The following IQCB1 variants were observed in gnomAD, a reference collection of about 807,000 sequenced individuals.
IQCB1 encodes the protein IQ calmodulin-binding motif-containing protein 1.
IQCB1 carries 56 observed loss-of-function variants against 84.4 expected under a neutral mutation model. The observed-to-expected ratio is 0.66, with a 90% CI of 0.54 to 0.83. The LOEUF is 0.83. Among genes scored for constraint, IQCB1 ranks in the 40% least tolerant of loss-of-function variants. The pLI is 0.00. For missense variants in IQCB1, 629 were observed against 682.1 expected (o/e 0.92, Z 0.87); for synonymous variants, 210 against 234.8 (o/e 0.89, Z 0.96).
At chr3:121,819,863 T>C (rs1367496835) in intron 5 of IQCB1, among the ~76,000 whole-genome samples, 2 of 152,142 alleles carry the variant, frequency 1.3e-5, no homozygotes, top group African/African-American at 4.8e-5. Context: ...ATATATTTTA[T>C]ATTAGCATTT....
chr3:121,803,185 G>T (rs1949476000), intron 7 of IQCB1, among the ~76,000 whole-genome samples: 1 of 152,076 alleles, frequency 6.6e-6, no homozygotes, highest in Admixed American at 6.6e-5. Flanking sequence ...ATCCCAAGTA[G>T]CTGGGACTAG....
At chr3:121,822,719 G>A (rs528499033) in intron 5 of IQCB1, among the ~76,000 whole-genome samples, 1 of 152,188 alleles carries the variant, frequency 6.6e-6, no homozygotes, top group Non-Finnish European at 1.5e-5. Context: ...TATAAGGACT[G>A]TGAACCAGGA....
intron 2 of IQCB1, among the ~76,000 whole-genome samples, chr3:121,830,205 AAATAAT>A (rs150016803): frequency 1.3e-5 from 2 of 148,514 alleles, no homozygotes; most frequent in East Asian, 2.0e-4. Flanking sequence ...CTCTGTCTCA[AAATAAT>A]AATAATAATA....
At chr3:121,793,838 T>C (rs1306199127) in intron 10 of IQCB1, among the ~76,000 whole-genome samples, 2 of 152,176 alleles carry the variant, frequency 1.3e-5, no homozygotes, top group Non-Finnish European at 2.9e-5. Context: ...AAATCTGTAA[T>C]CCTGGGCTAC....
intron 7 of IQCB1, among the ~76,000 whole-genome samples, chr3:121,804,851 A>G (rs555998042): frequency 1.3e-5 from 2 of 152,252 alleles, no homozygotes; most frequent in Admixed American, 6.5e-5. Context: ...CACTTATGTA[A>G]GGTTGCTCAA....
intron 7 of IQCB1, among the ~76,000 whole-genome samples, chr3:121,801,204 C>T (rs1949393176): frequency 6.6e-6 from 1 of 151,946 alleles, no homozygotes; most frequent in African/African-American, 2.4e-5. Flanking sequence ...TTTTCTCTAC[C>T]ATGTATAAGC....
chr3:121,777,097 A>AC (rs763361957), intron 13 of IQCB1, among the ~76,000 whole-genome samples: 8 of 152,242 alleles, frequency 5.3e-5, no homozygotes, highest in Admixed American at 4.6e-4. Context: ...TAGAAGTTTT[A>AC]TAGTTTTAGG....
chr3:121,819,122 T>C (rs143706562), intron 5 of IQCB1, among the ~76,000 whole-genome samples: 66 of 152,342 alleles, frequency 4.3e-4, no homozygotes, highest in Non-Finnish European at 6.9e-4. Context: ...GTGTGCTTTA[T>C]TTATATTATT....
intron 5 of IQCB1, 61 bp from the exon 6 acceptor site, chr3:121,809,070 T>A: frequency 1.4e-5 from 13 of 901,266 alleles, no homozygotes; most frequent in East Asian, 2.6e-5. Flanking sequence ...TTTTTTTTTT[T>A]AAGGAGACTT....
intron 5 of IQCB1, among the ~76,000 whole-genome samples, chr3:121,824,542 G>C (rs892919861): frequency 2.7e-5 from 4 of 150,454 alleles, no homozygotes; most frequent in African/African-American, 9.8e-5. Flanking sequence ...AGTAAACAAA[G>C]TAGACTTCAA....
In IQCB1 at chr3:121,781,787, C is replaced by T. The variant is rs760905369; in HGVS notation, c.1366G>A (p.Val456Ile). 3 of 1,613,884 alleles carry T rather than the reference C, an allele frequency of 1.9e-6. No homozygotes were observed. The highest frequency in any genetic ancestry group is 2.5e-6 in the Non-Finnish European group (3 of 1,179,860). ...TCATCCACTCGTTTCTTCAGTTCAA[C>T]TCGGCGTGCATCAGTGAGTTCTTGG... ...GLQELTDARR[V>I]ELKKRVDDYV... Residue 456 changes from valine (V) to isoleucine (I), a missense_variant, in exon 13 of 15, where the codon GTT becomes ATT. Coordinates refer to ENST00000310864, the MANE Select transcript of IQCB1 (RefSeq NM_001023570.4).
intron 7 of IQCB1, among the ~76,000 whole-genome samples, chr3:121,801,486 T>G (rs1576578946): frequency 6.6e-6 from 1 of 152,188 alleles, no homozygotes; most frequent in East Asian, 1.9e-4. Context: ...TACAGAAAAC[T>G]TGGTATCATA....
At chr3:121,821,015 G>C (rs1950256246) in intron 5 of IQCB1, among the ~76,000 whole-genome samples, 1 of 151,046 alleles carries the variant, frequency 6.6e-6, no homozygotes, top group African/African-American at 2.4e-5. Flanking sequence ...TAAAGAGATA[G>C]GATCTTGCTC....
At chr3:121,810,603 T>C (rs1308073426) in intron 5 of IQCB1, among the ~76,000 whole-genome samples, 1 of 151,702 alleles carries the variant, frequency 6.6e-6, no homozygotes, top group African/African-American at 2.4e-5. Flanking sequence ...ATTTTAATAA[T>C]ATATAAGGAA....
In IQCB1 at chr3:121,788,702, T is replaced by A. The variant is rs1328377075; in HGVS notation, c.1130-270A>T. 1.0e-3 allele frequency among the ~76,000 whole-genome samples: 130 copies of A among 124,390 alleles called. No individual in the cohort carries two copies. Among genetic ancestry groups the A allele is most frequent in the African/African-American group, 3.5e-3 (119 of 33,800 alleles). 81.6% of individuals were successfully genotyped at this position (124,390 alleles called of 152,430 possible). On this transcript the variant is annotated intron_variant, in intron 11 of 14. Transcript: ENST00000310864. ...GCTGAAAATCCAATACAAAGAACAC[T>A]AAAAAAAAAAAAAAAAATTCCTAAG...
At position 121,799,214 on chromosome 3, in the gene IQCB1, G is replaced by C. The variant is rs1172973367; in HGVS notation, c.748C>G (p.Gln250Glu). 6.2e-7 allele frequency: 1 copy of C among 1,609,008 alleles called. No individual in the cohort carries two copies. The highest frequency in any genetic ancestry group is 1.7e-5 in the Admixed American group (1 of 59,772). The change falls in exon 8 of 15, where the codon CAA becomes GAA. Residue 250 changes from glutamine to glutamate, a missense_variant. Transcript: ENST00000310864. ...SHQEILILLRQSTCYKGLRRL... is the reference protein window; with the variant it reads ...SHQEILILLRESTCYKGLRRL... ...GTACTACCTTTGTAGCAGGTACTTT[G>C]TCTCAGTAAAATCAAAATTTCCTGA...
At chr3:121,801,838 A>G (rs1949420701) in intron 7 of IQCB1, among the ~76,000 whole-genome samples, 1 of 124,592 alleles carries the variant, frequency 8.0e-6, no homozygotes, top group Non-Finnish European at 1.7e-5. Context: ...TTTTAATTAA[A>G]ATCAGGGCTA....
chr3:121,806,000 C>A (rs954992028), intron 7 of IQCB1, among the ~76,000 whole-genome samples: 1 of 152,112 alleles, frequency 6.6e-6, no homozygotes, highest in South Asian at 2.1e-4. Context: ...TAAGTTAGAG[C>A]AATTGTAAGA....
intron 12 of IQCB1, among the ~76,000 whole-genome samples, chr3:121,788,025 A>G (rs550220061): frequency 6.6e-6 from 1 of 152,334 alleles, no homozygotes. Context: ...CTCACAGCCC[A>G]AGTAAGAAGG....
Sources: gnomAD v4.1 joint callset for allele counts (sites outside exome capture counted in the v4.1 genomes callset) on GRCh38, gnomAD v4.1.1 for gene constraint, MANE v1.5 for transcripts, NCBI Gene and HGNC (gene_info 2026-07-23, HGNC 2026-07-21) for gene names.